SH3D19: variants seen among roughly 807,000 people sequenced by gnomAD.
SH3D19 encodes SH3 domain containing 19, also known as SH3 domain-containing protein 19.
In SH3D19, 58 loss-of-function variants were observed where a neutral mutation model predicts 112.1. The ratio of observed to expected loss-of-function variants is 0.52; its 90% confidence interval spans 0.42 to 0.64. The LOEUF (loss-of-function observed/expected upper bound fraction) is 0.64, where lower values mean the gene tolerates loss of function less well. Among genes scored for constraint, SH3D19 ranks in the 30% least tolerant of loss-of-function variants. The probability of loss-of-function intolerance (pLI) is 0.00; values close to 1 mark genes in which losing one functional copy is unlikely to be tolerated. For synonymous variants in SH3D19, 391 were observed against 448.5 expected, an observed-to-expected ratio of 0.87 and a Z score of 1.62; for missense variants, 1,090 against 1,263.4, an observed-to-expected ratio of 0.86 and a Z score of 2.08.
intron 9 of SH3D19, among the ~76,000 whole-genome samples, chr4:151,156,779 A>C (rs1433583353): frequency 6.6e-6 from 1 of 152,220 alleles, no homozygotes; most frequent in Non-Finnish European, 1.5e-5. Flanking sequence ...AACACCTCAA[A>C]AGCACAGGCA....
chr4:151,183,510 A>G (rs1761274875), intron 3 of SH3D19, among the ~76,000 whole-genome samples: 1 of 152,188 alleles, frequency 6.6e-6, no homozygotes, highest in Non-Finnish European at 1.5e-5. Context: ...CCCCAGGTCC[A>G]ACAGCCCTTT....
In SH3D19 at chr4:151,128,363, T is replaced by C; in HGVS notation, c.2743-7A>G. ...CTGCCGGAAGACTGTTAACCTGTTA[T>C]CAAATTAGAGGTGTGGTCAGAAGTG... On this transcript the variant is annotated splice_polypyrimidine_tract_variant and splice_region_variant and intron_variant, in intron 17 of 19. Coordinates refer to ENST00000604030, the MANE Select transcript of SH3D19 (RefSeq NM_001378122.1). 1.2e-6 allele frequency: 2 copies of C among 1,611,666 alleles called. No individual in the cohort carries two copies. The highest frequency in any genetic ancestry group is 1.7e-6 in the Non-Finnish European group (2 of 1,178,700).
intron 1 of SH3D19, among the ~76,000 whole-genome samples, chr4:151,248,451 A>G (rs1771111677): frequency 6.6e-6 from 1 of 152,214 alleles, no homozygotes; most frequent in Non-Finnish European, 1.5e-5. Context: ...ATTAGGAAGC[A>G]TTAGTGTTAT....
intron 13 of SH3D19, 63 bp from the exon 14 acceptor site, chr4:151,137,925 C>T: frequency 1.4e-6 from 2 of 1,428,288 alleles, no homozygotes; most frequent in South Asian, 1.4e-5. Flanking sequence ...GATAAAAGCA[C>T]AAAGTAGCAT....
intron 2 of SH3D19, among the ~76,000 whole-genome samples, chr4:151,218,821 C>A (rs1767570546): frequency 6.6e-6 from 1 of 151,904 alleles, no homozygotes; most frequent in Admixed American, 6.6e-5. Context: ...CCATGTGGTC[C>A]CTGTTGGTAC....
At chr4:151,140,410 T>C (rs1752778704) in intron 12 of SH3D19, 1 of 152,454 alleles carries the variant, frequency 6.6e-6, no homozygotes, top group African/African-American at 2.4e-5. Context: ...AAAGCAATGC[T>C]ACCTCCCATG....
chr4:151,131,369 G>A (rs529399400), intron 17 of SH3D19, among the ~76,000 whole-genome samples: 11 of 151,472 alleles, frequency 7.3e-5, no homozygotes, highest in African/African-American at 2.7e-4. Flanking sequence ...TTTGTTAACT[G>A]AATAGGTTAA....
At chr4:151,300,792 A>T (rs1380764775) in intron 1 of SH3D19, among the ~76,000 whole-genome samples, 7 of 152,226 alleles carry the variant, frequency 4.6e-5, no homozygotes, top group Non-Finnish European at 5.9e-5. Context: ...CAGAATGGCC[A>T]GTTTGAAGTC....
intron 1 of SH3D19, among the ~76,000 whole-genome samples, chr4:151,234,273 C>T (rs960437505): frequency 2.6e-5 from 4 of 152,198 alleles, no homozygotes; most frequent in African/African-American, 9.6e-5. Context: ...TCAAATGAAT[C>T]ATTCTGATTG....
chr4:151,251,188 T>A (rs527306313), intron 1 of SH3D19, among the ~76,000 whole-genome samples: 16 of 137,452 alleles, frequency 1.2e-4, no homozygotes, highest in Non-Finnish European at 1.5e-4. Flanking sequence ...TCTTTCTTTT[T>A]CTTTTTTTCC....
chr4:151,146,921 C>T (rs1754020479), intron 11 of SH3D19, among the ~76,000 whole-genome samples: 1 of 152,164 alleles, frequency 6.6e-6, no homozygotes, highest in African/African-American at 2.4e-5. Context: ...AATATCTCAA[C>T]TATTGATGAA....
In SH3D19 at chr4:151,198,369, T is replaced by C. The variant is rs1763846902; in HGVS notation, c.153-10906A>G. On this transcript the variant is annotated intron_variant, in intron 2 of 19. Transcript: ENST00000604030. ...TTATATAAAATATAAAATTATATTA[T>C]ATAAAAATTATATAATATATAATAT... 6.1e-5 allele frequency among the ~76,000 whole-genome samples: 4 copies of C among 65,870 alleles called. No individual in the cohort carries two copies. The South Asian group carries it at 1.6e-3, about 26-fold the overall frequency. 43.2% of individuals were successfully genotyped at this position (65,870 alleles called of 152,430 possible).
At chr4:151,182,762 C>T (rs1057256079) in intron 3 of SH3D19, among the ~76,000 whole-genome samples, 2 of 152,158 alleles carry the variant, frequency 1.3e-5, no homozygotes, top group South Asian at 2.1e-4. Flanking sequence ...GTGCTAATTT[C>T]TCAACTATCT....
At chr4:151,283,967 T>C (rs1378444244) in intron 1 of SH3D19, among the ~76,000 whole-genome samples, 1 of 152,174 alleles carries the variant, frequency 6.6e-6, no homozygotes, top group African/African-American at 2.4e-5. Context: ...TGGAGTGTAA[T>C]GTGTTGTTTT....
rs1774063787 is a variant in SH3D19 at position 151,280,105 on chromosome 4, A to G, written c.112+45136T>C. The G allele has an allele frequency of 4.7e-6, 4 of 856,778 alleles. No individual in the cohort carries two copies. In the South Asian group the frequency reaches 6.6e-5, roughly 14 times the overall value. The allele number at this position is 856,778 out of a possible 1,614,324, so 53.1% of individuals were successfully genotyped here. A position where few individuals can be genotyped will look rare whatever the true frequency, so the allele number is the denominator to read the frequency against. On this transcript the variant is annotated intron_variant, in intron 1 of 19. Coordinates refer to ENST00000604030, the MANE Select transcript of SH3D19 (RefSeq NM_001378122.1). Reference sequence around the variant, plus strand: ...CATGTCAGACTATCAAACCCGAAACAACTAGAGACAGGGCATAGAAGTAGA... The same window carrying G: ...CATGTCAGACTATCAAACCCGAAACGACTAGAGACAGGGCATAGAAGTAGA...
intron 3 of SH3D19, among the ~76,000 whole-genome samples, chr4:151,182,123 G>C (rs753094092): frequency 5.3e-5 from 8 of 151,926 alleles, no homozygotes; most frequent in Admixed American, 1.3e-4. Context: ...TGAGTAGCTG[G>C]GACTACAGGC....
At chr4:151,146,918 C>T (rs1754019942) in intron 11 of SH3D19, among the ~76,000 whole-genome samples, 2 of 152,150 alleles carry the variant, frequency 1.3e-5, no homozygotes, top group African/African-American at 4.8e-5. Context: ...ATCAATATCT[C>T]AACTATTGAT....
At chr4:151,254,297 TTTTATTTA>T (rs76523570) in intron 1 of SH3D19, among the ~76,000 whole-genome samples, 4 of 149,722 alleles carry the variant, frequency 2.7e-5, no homozygotes, top group East Asian at 1.9e-4. Flanking sequence ...TTTTTTTTAT[TTTTATTTA>T]TTTATTTATT....
At chr4:151,149,904 G>A (rs1409020589) in intron 9 of SH3D19, among the ~76,000 whole-genome samples, 9 of 152,076 alleles carry the variant, frequency 5.9e-5, no homozygotes, top group Non-Finnish European at 1.2e-4. Flanking sequence ...GTATGCTCTT[G>A]GCCGGGCACG....
Sources: gnomAD v4.1 joint callset for allele counts (sites outside exome capture counted in the v4.1 genomes callset) on GRCh38, gnomAD v4.1.1 for gene constraint, MANE v1.5 for transcripts, NCBI Gene and HGNC (gene_info 2026-07-23, HGNC 2026-07-21) for gene names.